The following DMD variants were observed in gnomAD, a reference collection of about 807,000 sequenced individuals.
The protein encoded by DMD is mutant dystrophin.
DMD carries 63 observed loss-of-function variants against 330.1 expected under a neutral mutation model. The observed-to-expected ratio is 0.19, with a 90% CI of 0.16 to 0.24. The LOEUF (loss-of-function observed/expected upper bound fraction) is 0.24, where lower values mean the gene tolerates loss of function less well. DMD is among the 10% of genes least tolerant of loss of function. The pLI is 1.00. For missense variants in DMD, 3,344 were observed against 2,684.1 expected, an observed-to-expected ratio of 1.25 and a Z score of -5.43; for synonymous variants, 1,223 against 959.8, an observed-to-expected ratio of 1.27 and a Z score of -5.07.
intron 44 of DMD, among the ~76,000 whole-genome samples, chrX:32,185,697 CAAAGT>C (rs1478332247): frequency 5.4e-5 from 6 of 110,775 alleles, no homozygotes; most frequent in African/African-American, 2.0e-4. Flanking sequence ...AAAAACGATG[CAAAGT>C]AGAGAGGGCA....
At chrX:33,234,155 C>A (rs1178677800) in intron 1 of DMD, among the ~76,000 whole-genome samples, 1 of 111,641 alleles carries the variant, frequency 9.0e-6, no homozygotes. Flanking sequence ...ACTGCAGGCA[C>A]AATTTAACCA....
chrX:31,775,790 A>G (rs1442368494), intron 50 of DMD, among the ~76,000 whole-genome samples: 1 of 111,898 alleles, frequency 8.9e-6, no homozygotes, highest in Non-Finnish European at 1.9e-5. Flanking sequence ...AGAGAAGAAG[A>G]TGAGTAGAAT....
At position 32,698,016 on chromosome X, in the gene DMD, G is replaced by C. The variant is rs72470515; in HGVS notation, c.832-18C>G. 23,636 of 1,179,420 alleles carry C rather than the reference G, an allele frequency of 0.02. 205 individuals are homozygous for C. The highest frequency in any genetic ancestry group is 0.023 in the Non-Finnish European group (20,008 of 879,653). ...ACCGTGATCTGCAGAGAAGGGTTTGGGGGAGTGGATAGAGAGGAGGGGGAA... is the reference window on the plus strand; with the variant it reads ...ACCGTGATCTGCAGAGAAGGGTTTGCGGGAGTGGATAGAGAGGAGGGGGAA... On this transcript the variant is annotated intron_variant, in intron 8 of 78. Transcript: ENST00000357033.
At chrX:32,482,184 G>A (rs2041965143) in intron 21 of DMD, among the ~76,000 whole-genome samples, 1 of 110,293 alleles carries the variant, frequency 9.1e-6, no homozygotes, top group African/African-American at 3.3e-5. Context: ...TTTCTTTGTT[G>A]AAACAATTAT....
chrX:31,929,692 T>C lies in DMD; in HGVS notation c.6816A>G (p.Glu2272=). Residue 2272 remains glutamate (E), a synonymous_variant, in exon 47 of 79, where the codon GAA becomes GAG. Coordinates refer to ENST00000357033, the MANE Select transcript of DMD (RefSeq NM_004006.3). The part of the protein sequence containing the change: ...LRQGILKQLN[E]TGGPVLVSAP... Reference sequence around the variant, plus strand: ...CACTTACAAGCACGGGTCCTCCAGTTTCATTTAATTGTTTGAGAATTCCCT... The same window carrying C: ...CACTTACAAGCACGGGTCCTCCAGTCTCATTTAATTGTTTGAGAATTCCCT... 2.5e-6 allele frequency: 3 copies of C among 1,211,668 alleles called. No individual in the cohort carries two copies. Among genetic ancestry groups the C allele is most frequent in the South Asian group, 3.5e-5 (2 of 57,005 alleles).
At chrX:31,880,257 G>T (rs767744461) in intron 47 of DMD, among the ~76,000 whole-genome samples, 1 of 111,054 alleles carries the variant, frequency 9.0e-6, no homozygotes, top group Non-Finnish European at 1.9e-5. Flanking sequence ...CCTTTTAGAA[G>T]CAAAAAAAGA....
chrX:31,365,301 A>G (rs754901938), intron 60 of DMD, among the ~76,000 whole-genome samples: 1 of 111,222 alleles, frequency 9.0e-6, no homozygotes, highest in African/African-American at 3.3e-5. Flanking sequence ...CTCAGGGTCA[A>G]TAATATTTCA....
chrX:32,356,473 C>A (rs2097801189), intron 37 of DMD, among the ~76,000 whole-genome samples: 1 of 107,899 alleles, frequency 9.3e-6, no homozygotes, highest in Non-Finnish European at 1.9e-5. Flanking sequence ...CCCGATTGTC[C>A]AAATCTCATA....
intron 2 of DMD, among the ~76,000 whole-genome samples, chrX:32,952,191 T>C (rs1803716556): frequency 9.1e-6 from 1 of 109,646 alleles, no homozygotes; most frequent in South Asian, 4.0e-4. Flanking sequence ...TGGAGTGCAG[T>C]GGCACAATCG....
chrX:32,048,774 A>T (rs939453632), intron 44 of DMD, among the ~76,000 whole-genome samples: 8 of 111,202 alleles, frequency 7.2e-5, no homozygotes, highest in African/African-American at 2.6e-4. Flanking sequence ...ATTGACTAGT[A>T]TTGGTTGAAT....
chrX:32,246,387 G>T (rs1286377116), intron 43 of DMD, among the ~76,000 whole-genome samples: 2 of 95,164 alleles, frequency 2.1e-5, no homozygotes, highest in Non-Finnish European at 4.2e-5. Context: ...GAGGATTTTT[G>T]CATCAATGTT....
At chrX:32,653,097 ATTCTGTAGG>A (rs2060286789) in intron 9 of DMD, among the ~76,000 whole-genome samples, 1 of 111,357 alleles carries the variant, frequency 9.0e-6, no homozygotes, top group Non-Finnish European at 1.9e-5. Context: ...ATTTTCTCCC[ATTCTGTAGG>A]TTGCCTGTTC....
chrX:31,462,329 A>C (rs890165996), intron 59 of DMD, among the ~76,000 whole-genome samples: 4 of 110,696 alleles, frequency 3.6e-5, no homozygotes, highest in Admixed American at 9.6e-5. Flanking sequence ...AAAACACAAA[A>C]ATTAGCCAGG....
Position 32,636,549 on chromosome X carries a change from C to T in DMD, c.1331+7583G>A, listed in dbSNP as rs184157142. Among the ~76,000 whole-genome samples the T allele has an allele frequency of 2.8e-4, 31 of 112,204 alleles. 1 individual carries two copies. The highest frequency in any genetic ancestry group is 1.7e-3 in the East Asian group (6 of 3,601). The stretch of plus-strand genomic sequence containing the variant: ...TTTTCAAATCCTGATCCATTTTTGT[C>T]CTCCATCCATATAGCTGAACAGTTT... On this transcript the variant is annotated intron_variant, in intron 11 of 78. Coordinates refer to ENST00000357033, the MANE Select transcript of DMD (RefSeq NM_004006.3).
chrX:31,394,921 TGA>T (rs1394924343), intron 60 of DMD, among the ~76,000 whole-genome samples: 1 of 49,492 alleles, frequency 2.0e-5, no homozygotes, highest in African/African-American at 9.9e-5. Flanking sequence ...TTCATTACTA[TGA>T]GAGAGAGAGA....
At chrX:31,953,447 G>C (rs1364063866) in intron 45 of DMD, among the ~76,000 whole-genome samples, 2 of 112,120 alleles carry the variant, frequency 1.8e-5, no homozygotes, top group Non-Finnish European at 3.8e-5. Context: ...AGTGGGGACT[G>C]GGGGCAATAC....
At chrX:32,814,423 A>G (rs1326605064) in intron 6 of DMD, among the ~76,000 whole-genome samples, 1 of 112,323 alleles carries the variant, frequency 8.9e-6, no homozygotes, top group Non-Finnish European at 1.9e-5. Context: ...GAACCACTCA[A>G]TTATTGAAAT....
intron 50 of DMD, among the ~76,000 whole-genome samples, chrX:31,785,308 TC>T (rs2091238692): frequency 8.9e-6 from 1 of 111,746 alleles, no homozygotes; most frequent in Non-Finnish European, 1.9e-5. Flanking sequence ...TGGGAGCTCT[TC>T]AGTGGGTTTG....
intron 60 of DMD, among the ~76,000 whole-genome samples, chrX:31,408,765 T>A (rs1333327194): frequency 8.9e-6 from 1 of 112,110 alleles, no homozygotes; most frequent in Non-Finnish European, 1.9e-5. Context: ...ACTACTTTTA[T>A]TATACAATGC....
Sources: gnomAD v4.1 joint callset for allele counts (sites outside exome capture counted in the v4.1 genomes callset) on GRCh38, gnomAD v4.1.1 for gene constraint, MANE v1.5 for transcripts, NCBI Gene and HGNC (gene_info 2026-07-23, HGNC 2026-07-21) for gene names.